The following LNPEP variants were observed in gnomAD, a reference collection of about 807,000 sequenced individuals.
LNPEP encodes leucyl-cystinyl aminopeptidase.
In LNPEP, 64 loss-of-function variants were observed where a neutral mutation model predicts 120.6. That is an observed-to-expected ratio of 0.53 (90% CI 0.43 to 0.65). The LOEUF (loss-of-function observed/expected upper bound fraction) is 0.65, where lower values mean the gene tolerates loss of function less well. Ranked by LOEUF, LNPEP falls within the 30% of genes least tolerant of loss-of-function variation. The probability of loss-of-function intolerance (pLI) is 0.00; values close to 1 mark genes in which losing one functional copy is unlikely to be tolerated. For missense variants in LNPEP, 1,057 were observed against 1,200.0 expected (o/e 0.88, Z 1.76); for synonymous variants, 435 against 425.4 (o/e 1.02, Z -0.28).
Position 96,940,302 on chromosome 5 carries a change from G to A in LNPEP, c.19+4128G>A, listed in dbSNP as rs115092819. 3.2e-3 allele frequency among the ~76,000 whole-genome samples: 489 copies of A among 152,242 alleles called. 5 individuals carry two copies. Among genetic ancestry groups the A allele is most frequent in the African/African-American group, 0.011 (460 of 41,544 alleles). ...TAGGTTATCCTTGAGAACTCAGCCTGAAAGATAGATAACCAGAGAGATTGG... is the reference window on the plus strand; with the variant it reads ...TAGGTTATCCTTGAGAACTCAGCCTAAAAGATAGATAACCAGAGAGATTGG... On this transcript the variant is annotated intron_variant, in intron 1 of 17. Transcript: ENST00000231368.
chr5:96,991,049 C>T (rs758924194), intron 4 of LNPEP, among the ~76,000 whole-genome samples: 11 of 152,040 alleles, frequency 7.2e-5, no homozygotes, highest in Non-Finnish European at 1.5e-4. Context: ...ATCTTTTATC[C>T]CTCACTCCCC....
intron 13 of LNPEP, among the ~76,000 whole-genome samples, chr5:97,016,627 T>C (rs532692993): frequency 6.6e-6 from 1 of 152,318 alleles, no homozygotes; most frequent in South Asian, 2.1e-4. Flanking sequence ...AGCTTTCTTC[T>C]TGTCATATTC....
At position 97,036,242 on chromosome 5, in the gene LNPEP, A is replaced by G. The variant is rs541194698; in HGVS notation, c.*7709A>G. 2 of 152,126 alleles carry G rather than the reference A, an allele frequency of 1.3e-5. No individual in the cohort carries two copies. The highest frequency in any genetic ancestry group is 4.2e-4 in the South Asian group (2 of 4,804). 9.4% of individuals were successfully genotyped at this position (152,126 alleles called of 1,614,324 possible). ...GAACATGAGCCCCAAAACTAAATCC[A>G]AAAGGAATTTTCTATCTTTCATCCC... On this transcript the variant is annotated 3_prime_UTR_variant, in exon 18 of 18. Transcript: ENST00000231368.
rs546025817 is a variant in LNPEP, at chr5:96,990,831, A to G, written c.1132-2184A>G. ...ACCTCCATATTTCTATGATTAATGC[A>G]TATGTTCTATAGACTGAAGCCTCAC... On this transcript the variant is annotated intron_variant, in intron 4 of 17. Coordinates refer to ENST00000231368, the MANE Select transcript of LNPEP (RefSeq NM_005575.3). 9.2e-5 allele frequency among the ~76,000 whole-genome samples: 14 copies of G among 152,304 alleles called. No homozygotes were observed. In the East Asian group the frequency reaches 2.7e-3, roughly 29 times the overall value.
At position 97,006,587 on chromosome 5, in the gene LNPEP, A is replaced by G. The variant is rs553203374; in HGVS notation, c.2035+72A>G. 1.2e-5 allele frequency: 10 copies of G among 824,734 alleles called. No individual in the cohort carries two copies. In the African/African-American group the frequency reaches 1.7e-4, roughly 14 times the overall value. 51.1% of individuals were successfully genotyped at this position (824,734 alleles called of 1,614,324 possible). A position where few individuals can be genotyped will look rare whatever the true frequency, so the allele number is the denominator to read the frequency against. On this transcript the variant is annotated intron_variant, in intron 11 of 17. Coordinates refer to ENST00000231368, the MANE Select transcript of LNPEP (RefSeq NM_005575.3). ...AATCTGATCAGAGTGCATATATAAG[A>G]TTACACTTTCCAGTGTGCACACTCT... is the stretch of plus-strand genomic sequence containing the variant.
Position 97,008,895 on chromosome 5 carries a change from G to A in LNPEP, c.2035+2380G>A, listed in dbSNP as rs536449599. On this transcript the variant is annotated intron_variant, in intron 11 of 17. Transcript: ENST00000231368. ...TCTCGATCTCCTGACCTCGTGATCC[G>A]CCCACCTCGGCCTCCCAAAGTGCTG... Among the ~76,000 whole-genome samples, 32 of 151,746 alleles carry A rather than the reference G, an allele frequency of 2.1e-4. No homozygotes were observed. The South Asian group carries it at 5.8e-3, about 28-fold the overall frequency.
intron 1 of LNPEP, among the ~76,000 whole-genome samples, chr5:96,956,839 T>C (rs928396799): frequency 7.2e-5 from 11 of 152,198 alleles, no homozygotes; most frequent in Non-Finnish European, 1.5e-4. Flanking sequence ...ATCTTTCTTT[T>C]CTCTGTGTTC....
chr5:96,979,649 T>C lies in LNPEP; in HGVS notation c.531T>C (p.Tyr177=). The change falls in exon 2 of 18, where the codon TAT becomes TAC. Residue 177 remains tyrosine (Y), a synonymous_variant. Coordinates refer to ENST00000231368, the MANE Select transcript of LNPEP (RefSeq NM_005575.3). ...RLPTAVVPLR[Y]ELSLHPNLTS... ...CCACTGCCGTTGTGCCACTACGCTATGAACTCAGCCTACACCCGAACCTAA... is the reference window on the plus strand; with the variant it reads ...CCACTGCCGTTGTGCCACTACGCTACGAACTCAGCCTACACCCGAACCTAA... 1 of 1,614,076 alleles carries C rather than the reference T, an allele frequency of 6.2e-7. No individual in the cohort carries two copies. The highest frequency in any genetic ancestry group is 1.1e-5 in the South Asian group (1 of 91,084).
At position 96,954,625 on chromosome 5, in the gene LNPEP, T is replaced by TATATATATATATATAC. The variant is rs1187570043; in HGVS notation, c.19+18458_19+18459insTATATATACATATATA. On this transcript the variant is annotated intron_variant, in intron 1 of 17. Transcript: ENST00000231368. ...CTCTCTCTCTCTCTCTCTCTATATA[T>TATATATATATATATAC]ATATATACATATATACATATATACA... Among the ~76,000 whole-genome samples, 17 of 121,370 alleles carry TATATATATATATATAC rather than the reference T, an allele frequency of 1.4e-4. 4 individuals are homozygous for TATATATATATATATAC. The highest frequency in any genetic ancestry group is 4.9e-4 in the Admixed American group (6 of 12,234). The allele number at this position is 121,370 out of a possible 152,430, so 79.6% of individuals were successfully genotyped here.
intron 1 of LNPEP, among the ~76,000 whole-genome samples, chr5:96,964,288 C>A (rs1226013244): frequency 6.6e-6 from 1 of 151,678 alleles, no homozygotes; most frequent in East Asian, 1.9e-4. Context: ...TTATTAAGAT[C>A]TTGGCAGATG....
At chr5:97,022,150 A>G in intron 13 of LNPEP, 150 bp from the exon 14 acceptor site, 1 of 572,400 alleles carries the variant, frequency 1.7e-6, no homozygotes, top group Non-Finnish European at 3.1e-6. Flanking sequence ...GATGGTCTCA[A>G]ACTCCTGACC....
At chr5:96,979,078 A>C (rs1025865372) in intron 1 of LNPEP, 60 bp from the exon 2 acceptor site, 25 of 1,513,924 alleles carry the variant, frequency 1.7e-5, no homozygotes, top group Non-Finnish European at 2.1e-5. Context: ...ACATGTTATT[A>C]ATATTATGAG....
intron 11 of LNPEP, among the ~76,000 whole-genome samples, chr5:97,008,932 G>A (rs1048183203): frequency 1.3e-5 from 2 of 151,984 alleles, no homozygotes; most frequent in Admixed American, 6.6e-5. Context: ...GATTACAAGC[G>A]TGAGCCACTG....
intron 13 of LNPEP, among the ~76,000 whole-genome samples, chr5:97,021,902 TTTTTTTG>T (rs1361723957): frequency 6.6e-6 from 1 of 150,802 alleles, no homozygotes; most frequent in Admixed American, 6.7e-5. Flanking sequence ...GTCCTGGGGT[TTTTTTTG>T]TTTTTTGTCT....
rs187470363 is a variant in LNPEP at position 96,954,737 on chromosome 5, T to C, written c.19+18563T>C. ...ACATATATATACATATATATATACA[T>C]ATATATATACACATATATATATATA... On this transcript the variant is annotated intron_variant, in intron 1 of 17. Transcript: ENST00000231368. Among the ~76,000 whole-genome samples, 303 of 90,810 alleles carry C rather than the reference T, an allele frequency of 3.3e-3. 51 individuals are homozygous for C. The highest frequency in any genetic ancestry group is 0.012 in the African/African-American group (257 of 21,872). The allele number at this position is 90,810 out of a possible 152,430, so 59.6% of individuals were successfully genotyped here.
chr5:97,027,906 T>C (rs553723898), intron 17 of LNPEP, 92 bp downstream of exon 17: 1 of 762,212 alleles, frequency 1.3e-6, no homozygotes, highest in South Asian at 1.5e-5. Flanking sequence ...TGGATTTTCA[T>C]GCTAATTCCT....
intron 4 of LNPEP, among the ~76,000 whole-genome samples, chr5:96,987,913 A>G (rs1790280264): frequency 6.6e-6 from 1 of 152,216 alleles, no homozygotes; most frequent in South Asian, 2.1e-4. Flanking sequence ...CCAATCTAAA[A>G]GAGTCAGGTT....
chr5:96,947,289 T>A (rs1274998287), intron 1 of LNPEP, among the ~76,000 whole-genome samples: 1 of 152,212 alleles, frequency 6.6e-6, no homozygotes, highest in Non-Finnish European at 1.5e-5. Context: ...TTTGTTAATT[T>A]GATTGGGGGG....
At position 97,027,858 on chromosome 5, in the gene LNPEP, G is replaced by A. The variant is rs754061298; in HGVS notation, c.2946+44G>A. The A allele has an allele frequency of 6.4e-5, 74 of 1,149,306 alleles. 1 individual carries two copies. Among genetic ancestry groups the A allele is most frequent in the Non-Finnish European group, 8.2e-5 (62 of 756,538 alleles). The allele number at this position is 1,149,306 out of a possible 1,614,324, so 71.2% of individuals were successfully genotyped here. ...TAATACAGAGACTGGGCAACCCTCC[G>A]CACACCCGGACCAGGCTGCTCAGTT... On this transcript the variant is annotated intron_variant, in intron 17 of 17. Coordinates refer to ENST00000231368, the MANE Select transcript of LNPEP (RefSeq NM_005575.3).
Sources: allele counts gnomAD v4.1 joint callset (sites outside exome capture counted in the v4.1 genomes callset), GRCh38; gene constraint gnomAD v4.1.1; transcripts MANE v1.5; gene names NCBI Gene and HGNC (gene_info 2026-07-23, HGNC 2026-07-21).